Variants in ATF7IP2 observed in about 807,000 individuals in gnomAD.
The protein encoded by ATF7IP2 is activating transcription factor 7-interacting protein 2.
Under a neutral mutation model 64.2 loss-of-function variants are expected in ATF7IP2, and 42 were observed. The observed-to-expected ratio is 0.65, with a 90% CI of 0.51 to 0.85. ATF7IP2 has a LOEUF of 0.85. Among genes scored for constraint, ATF7IP2 ranks in the 40% least tolerant of loss-of-function variants. The probability of loss-of-function intolerance (pLI) is 0.00; values close to 1 mark genes in which losing one functional copy is unlikely to be tolerated. For missense variants in ATF7IP2, 933 were observed against 784.2 expected (o/e 1.19, Z -2.27); for synonymous variants, 308 against 272.8 (o/e 1.13, Z -1.27).
At chr16:10,435,928 C>A (rs1430813373) in intron 6 of ATF7IP2, among the ~76,000 whole-genome samples, 8 of 152,128 alleles carry the variant, frequency 5.3e-5, no homozygotes, top group Non-Finnish European at 1.5e-5. Flanking sequence ...AACAGTGTTT[C>A]CACGTTCAAA....
rs1258860055 is a variant in ATF7IP2, at chr16:10,475,156, A to G, written c.1549+1167A>G. Among the ~76,000 whole-genome samples, 4 of 152,358 alleles carry G rather than the reference A, an allele frequency of 2.6e-5. No individual in the cohort carries two copies. In the East Asian group the frequency reaches 5.8e-4, roughly 22 times the overall value. ...ACCAGATGGAAAGTAGATCTACACAAAGAATAAAACTATATTGTAGAATGT... is the reference window on the plus strand; with the variant it reads ...ACCAGATGGAAAGTAGATCTACACAGAGAATAAAACTATATTGTAGAATGT... On this transcript the variant is annotated intron_variant, in intron 12 of 13. Coordinates refer to ENST00000562102, the MANE Select transcript of ATF7IP2 (RefSeq NM_001393719.1).
rs753021736 is a variant in ATF7IP2, at chr16:10,480,942, C to T, written c.1613C>T (p.Pro538Leu). 1.2e-6 allele frequency: 2 copies of T among 1,610,846 alleles called. No homozygotes were observed. The highest frequency in any genetic ancestry group is 1.7e-6 in the Non-Finnish European group (2 of 1,177,278). Residue 538 changes from proline (P) to leucine (L), a missense_variant, in exon 13 of 14, where the codon CCA becomes CTA. By Grantham distance (98) the Pro-to-Leu change is moderately conservative (BLOSUM62 -3). Coordinates refer to ENST00000562102, the MANE Select transcript of ATF7IP2 (RefSeq NM_001393719.1). ...KAASNSKETT[P>L]LAQNAVQVPE... ...GCTTCAAACTCAAAGGAAACAACCC[C>T]ATTGGCACAAAATGCAGTCCAGGTA...
chr16:10,455,348 G>T (rs1030020602), intron 8 of ATF7IP2, among the ~76,000 whole-genome samples: 5 of 152,252 alleles, frequency 3.3e-5, no homozygotes, highest in African/African-American at 1.2e-4. Context: ...AGGCTGGAAT[G>T]AAGTACACTG....
rs573460456 is a variant in ATF7IP2, at chr16:10,440,437, T to C, written c.1169T>C (p.Met390Thr). Residue 390 changes from methionine to threonine, a missense_variant, in exon 8 of 14, where the codon ATG becomes ACG. Transcript: ENST00000562102. ...LFQRNCLKPNMLSSNGASKVA... is the reference protein window; with the variant it reads ...LFQRNCLKPNTLSSNGASKVA... ...CAAAGGAATTGTTTGAAACCAAACA[T>C]GTTATCCAGTAATGGAGCCTCTAAG... 2.1e-5 allele frequency: 32 copies of C among 1,559,402 alleles called. No individual in the cohort carries two copies. The Middle Eastern group carries it at 6.7e-4, about 33-fold the overall frequency.
At chr16:10,462,661 G>C (rs570655807) in intron 9 of ATF7IP2, among the ~76,000 whole-genome samples, 56 of 152,182 alleles carry the variant, frequency 3.7e-4, no homozygotes, top group Non-Finnish European at 6.2e-4. Context: ...TTAGGTGGTG[G>C]GGTGGTGGTA....
intron 9 of ATF7IP2, among the ~76,000 whole-genome samples, chr16:10,469,640 T>C (rs984161785): frequency 8.5e-5 from 13 of 152,084 alleles, no homozygotes; most frequent in Admixed American, 8.5e-4. Context: ...CCCAGCATTG[T>C]GGCGCATGCC....
chr16:10,471,748 T>G (rs116513251), intron 9 of ATF7IP2, among the ~76,000 whole-genome samples: 1,613 of 152,318 alleles, frequency 0.011, 28 homozygotes, highest in African/African-American at 0.037. Flanking sequence ...TCTTAATAGA[T>G]TTCCTTCATT....
chr16:10,396,363 C>G (rs1417957332), intron 1 of ATF7IP2, among the ~76,000 whole-genome samples: 2 of 152,068 alleles, frequency 1.3e-5, no homozygotes, highest in Non-Finnish European at 2.9e-5. Context: ...TCTTCCTGTA[C>G]AGAAGTTTTT....
intron 8 of ATF7IP2, among the ~76,000 whole-genome samples, chr16:10,444,711 T>C (rs2048744493): frequency 6.6e-6 from 1 of 152,228 alleles, no homozygotes; most frequent in South Asian, 2.1e-4. Context: ...TTCATTTTTT[T>C]CTACCTTCCT....
Position 10,431,401 on chromosome 16 carries a change from A to G in ATF7IP2, c.781A>G (p.Asn261Asp), listed in dbSNP as rs148549701. Residue 261 changes from asparagine to aspartate, a missense_variant, in exon 5 of 14, where the codon AAT (asparagine) becomes GAT (aspartate). Transcript: ENST00000562102. ...TDECSRTSIS[N>D]CESADSTWQS... ...TGAGTGTAGTAGAACCAGTATTTCAAATTGTGAAAGTGCAGACTCAACATG... is the reference window on the plus strand; with the variant it reads ...TGAGTGTAGTAGAACCAGTATTTCAGATTGTGAAAGTGCAGACTCAACATG... 6.0e-5 allele frequency: 97 copies of G among 1,612,090 alleles called. No individual in the cohort carries two copies. The highest frequency in any genetic ancestry group is 5.2e-4 in the Admixed American group (31 of 59,922).
chr16:10,405,771 C>T (rs2047625805), intron 1 of ATF7IP2, among the ~76,000 whole-genome samples: 1 of 152,182 alleles, frequency 6.6e-6, no homozygotes. Context: ...CTAAGTTGGT[C>T]CCCCTGTGTA....
intron 9 of ATF7IP2, among the ~76,000 whole-genome samples, chr16:10,460,865 G>A (rs1442168560): frequency 1.3e-5 from 2 of 152,036 alleles, no homozygotes; most frequent in South Asian, 2.1e-4. Flanking sequence ...TAGAAACTTC[G>A]TTTCTCAAAA....
chr16:10,409,513 CTT>C (rs560403480), intron 1 of ATF7IP2, among the ~76,000 whole-genome samples: 2 of 148,194 alleles, frequency 1.3e-5, no homozygotes, highest in Non-Finnish European at 3.0e-5. Flanking sequence ...TTTATTGAGA[CTT>C]TTTTTTTAAT....
chr16:10,412,384 C>G (rs2047788675), intron 1 of ATF7IP2, among the ~76,000 whole-genome samples: 1 of 152,136 alleles, frequency 6.6e-6, no homozygotes, highest in Non-Finnish European at 1.5e-5. Context: ...TCTCTATTGT[C>G]ATTCAGTTTG....
At chr16:10,397,217 T>G (rs1042315038) in intron 1 of ATF7IP2, among the ~76,000 whole-genome samples, 2 of 152,224 alleles carry the variant, frequency 1.3e-5, no homozygotes, top group Admixed American at 1.3e-4. Context: ...TGTACTGTTT[T>G]GTTTACTGTA....
intron 3 of ATF7IP2, among the ~76,000 whole-genome samples, chr16:10,424,233 G>T (rs1482405855): frequency 6.6e-6 from 1 of 152,140 alleles, no homozygotes; most frequent in Non-Finnish European, 1.5e-5. Flanking sequence ...AACCTTCAGC[G>T]TGGGCATCAT....
chr16:10,472,735 A>C lies in ATF7IP2; in HGVS notation c.1426+552A>C, dbSNP rs56043503. On this transcript the variant is annotated intron_variant, in intron 10 of 13. Transcript: ENST00000562102. ...GCCAGGCATGGTGGCAGGTGCCTGT[A>C]ATCCCAGCTACTCTGGAGGGTGAGG... 9.4e-3 allele frequency among the ~76,000 whole-genome samples: 1,427 copies of C among 152,170 alleles called. 15 individuals carry two copies. The highest frequency in any genetic ancestry group is 0.02 in the Middle Eastern group (6 of 294).
chr16:10,415,976 A>G (rs1323189594), intron 2 of ATF7IP2, among the ~76,000 whole-genome samples: 1 of 152,224 alleles, frequency 6.6e-6, no homozygotes, highest in Non-Finnish European at 1.5e-5. Flanking sequence ...ATGTGTAGAA[A>G]GGGAATCCTT....
At chr16:10,457,568 C>A in intron 9 of ATF7IP2, 39 bp downstream of exon 9, 3 of 1,412,608 alleles carry the variant, frequency 2.1e-6, no homozygotes, top group Non-Finnish European at 2.9e-6. Context: ...TTATCTAAAT[C>A]TATAATAATG....
Sources: allele counts gnomAD v4.1 joint callset (sites outside exome capture counted in the v4.1 genomes callset), GRCh38; gene constraint gnomAD v4.1.1; transcripts MANE v1.5; gene names NCBI Gene and HGNC (gene_info 2026-07-23, HGNC 2026-07-21).